Variants in CRB1 observed in about 807,000 individuals in gnomAD.
CRB1 encodes crumbs cell polarity complex component 1, also known as protein crumbs homolog 1.
A neutral mutation model predicts 120.0 loss-of-function variants in CRB1; 83 were observed. The observed-to-expected ratio is 0.69, with a 90% CI of 0.58 to 0.83. The LOEUF is 0.83. Ranked by LOEUF, CRB1 falls within the 40% of genes least tolerant of loss-of-function variation. The pLI is 0.00. For synonymous variants in CRB1, 625 were observed against 612.5 expected, an observed-to-expected ratio of 1.02 and a Z score of -0.30; for missense variants, 1,699 against 1,687.6, an observed-to-expected ratio of 1.01 and a Z score of -0.12.
chr1:197,339,503 T>G (rs771687649), intron 2 of CRB1, among the ~76,000 whole-genome samples: 1 of 152,208 alleles, frequency 6.6e-6, no homozygotes, highest in Non-Finnish European at 1.5e-5. Flanking sequence ...TGAATGGAAT[T>G]TGAAATTTAA....
At chr1:197,475,856 C>A (rs578110526) in intron 11 of CRB1, among the ~76,000 whole-genome samples, 3 of 152,204 alleles carry the variant, frequency 2.0e-5, no homozygotes, top group African/African-American at 7.2e-5. Context: ...CACTGGGTTT[C>A]TTACTCTTTC....
chr1:197,349,910 C>T (rs1004575822), intron 4 of CRB1, among the ~76,000 whole-genome samples: 3 of 151,646 alleles, frequency 2.0e-5, no homozygotes, highest in African/African-American at 7.3e-5. Flanking sequence ...ACCATCCTGG[C>T]TAACAAGGTG....
At chr1:197,333,722 A>G (rs1457813318) in intron 2 of CRB1, among the ~76,000 whole-genome samples, 5 of 152,260 alleles carry the variant, frequency 3.3e-5, no homozygotes, top group African/African-American at 1.2e-4. Context: ...TTCATCATAT[A>G]GTGAAGGAAA....
chr1:197,286,505 T>G (rs1452247608), intron 1 of CRB1, among the ~76,000 whole-genome samples: 1 of 151,934 alleles, frequency 6.6e-6, no homozygotes, highest in African/African-American at 2.4e-5. Context: ...AAACATTTAC[T>G]AATTGTTTAT....
rs377205355 is a variant in CRB1, at chr1:197,428,210, A to T, written c.2676+209A>T. 9.2e-5 allele frequency among the ~76,000 whole-genome samples: 14 copies of T among 152,318 alleles called. No individual in the cohort carries two copies. The East Asian group carries it at 2.7e-3, about 29-fold the overall frequency. On this transcript the variant is annotated intron_variant, in intron 7 of 11. Transcript: ENST00000367400. ...AGGCCTTGATCTTACTGGTATCAGG[A>T]TCTATTTAACTAACCAAAGTAACTT...
intron 5 of CRB1, among the ~76,000 whole-genome samples, chr1:197,371,150 G>A (rs1455650759): frequency 6.6e-6 from 1 of 152,016 alleles, no homozygotes; most frequent in African/African-American, 2.4e-5. Context: ...CTCAGCTAAG[G>A]TTTCAAGGTC....
intron 1 of CRB1, among the ~76,000 whole-genome samples, chr1:197,327,052 T>C (rs1658534191): frequency 7.3e-6 from 1 of 137,396 alleles, no homozygotes. Context: ...ACGATGTGTC[T>C]GCAAAGCATT....
intron 1 of CRB1, among the ~76,000 whole-genome samples, chr1:197,325,022 T>C (rs1658414911): frequency 6.6e-6 from 1 of 152,210 alleles, no homozygotes; most frequent in African/African-American, 2.4e-5. Context: ...TAACCAATCA[T>C]TTGTTCTGCT....
the CRB1 span, among the ~76,000 whole-genome samples, chr1:197,216,816 G>C: frequency 6.6e-6 from 1 of 152,108 alleles, no homozygotes; most frequent in African/African-American, 2.4e-5. Flanking sequence ...ACAGTTCCTT[G>C]TGATTTGTGA....
At chr1:197,303,232 T>C (rs1429083056) in intron 1 of CRB1, among the ~76,000 whole-genome samples, 1 of 150,300 alleles carries the variant, frequency 6.7e-6, no homozygotes, top group Non-Finnish European at 1.5e-5. Flanking sequence ...GCTGCACCCA[T>C]TAACTCGTCA....
the CRB1 span, among the ~76,000 whole-genome samples, chr1:197,247,425 T>G: frequency 1.3e-5 from 2 of 152,108 alleles, no homozygotes; most frequent in Non-Finnish European, 2.9e-5. Context: ...TGAAAGACAT[T>G]GTGCAAGAAA....
intron 4 of CRB1, among the ~76,000 whole-genome samples, chr1:197,350,048 C>T (rs12723930): frequency 0.033 from 4,843 of 148,786 alleles, 110 homozygotes; most frequent in Middle Eastern, 0.099. Context: ...TGCAGTGAGC[C>T]GAGATTGCGC....
At chr1:197,351,318 C>CCACT (rs1660085472) in intron 4 of CRB1, among the ~76,000 whole-genome samples, 1 of 144,108 alleles carries the variant, frequency 6.9e-6, no homozygotes, top group African/African-American at 2.6e-5. Flanking sequence ...CGAGATCGCG[C>CCACT]CACTGCACTC....
intron 5 of CRB1, among the ~76,000 whole-genome samples, chr1:197,374,704 CTCA>C (rs1262367560): frequency 6.6e-6 from 1 of 152,116 alleles, no homozygotes; most frequent in Non-Finnish European, 1.5e-5. Flanking sequence ...ATCAAATAAA[CTCA>C]TCATCATCAA....
the CRB1 span, among the ~76,000 whole-genome samples, chr1:197,234,043 C>T: frequency 6.6e-6 from 1 of 152,270 alleles, no homozygotes; most frequent in African/African-American, 2.4e-5. Context: ...TGTCTGCTTC[C>T]TAAAGAACCT....
chr1:197,466,124 T>G (rs998593024), intron 11 of CRB1, among the ~76,000 whole-genome samples: 2 of 152,208 alleles, frequency 1.3e-5, no homozygotes, highest in African/African-American at 2.4e-5. Context: ...CCACTTCTGC[T>G]GGGACACAGC....
intron 1 of CRB1, among the ~76,000 whole-genome samples, chr1:197,282,022 G>A (rs773393025): frequency 6.7e-6 from 1 of 149,886 alleles, no homozygotes; most frequent in Non-Finnish European, 1.5e-5. Context: ...TGCTGCTTGG[G>A]TTAATTACAT....
At chr1:197,207,036 T>A in the CRB1 span, among the ~76,000 whole-genome samples, 1 of 152,300 alleles carries the variant, frequency 6.6e-6, no homozygotes, top group Non-Finnish European at 1.5e-5. Context: ...GTTTGTTTTG[T>A]CTGATATATG....
chr1:197,400,325 T>TA (rs1409214990), intron 5 of CRB1, among the ~76,000 whole-genome samples: 1 of 135,550 alleles, frequency 7.4e-6, no homozygotes, highest in African/African-American at 2.7e-5. Flanking sequence ...TTTTTTTTTT[T>TA]AAAACAGATA....
Sources: gnomAD v4.1 joint callset for allele counts (sites outside exome capture counted in the v4.1 genomes callset) on GRCh38, gnomAD v4.1.1 for gene constraint, MANE v1.5 for transcripts, NCBI Gene and HGNC (gene_info 2026-07-23, HGNC 2026-07-21) for gene names.